Variants in TEX30 observed in about 807,000 individuals in gnomAD.
TEX30 encodes testis expressed 30, also known as testis-expressed protein 30.
In TEX30, 14 loss-of-function variants were observed where a neutral mutation model predicts 23.8. The ratio of observed to expected loss-of-function variants is 0.59; its 90% CI spans 0.39 to 0.92. TEX30 has a LOEUF of 0.92. TEX30 is among the 40% of genes least tolerant of loss of function. The pLI, the probability that TEX30 is intolerant of heterozygous loss-of-function variation, is 0.00. For synonymous variants in TEX30, 78 were observed against 90.2 expected, an observed-to-expected ratio of 0.87 and a Z score of 0.76; for missense variants, 246 against 270.6, an observed-to-expected ratio of 0.91 and a Z score of 0.64.
intron 4 of TEX30, 69 bp downstream of exon 4, chr13:102,768,191 T>G (rs1840251159): frequency 9.2e-6 from 12 of 1,304,344 alleles, no homozygotes; most frequent in Middle Eastern, 4.2e-4. Context: ...TCAACTAATT[T>G]TAATTCTCCA....
intron 4 of TEX30, 53 bp from the exon 5 acceptor site, chr13:102,767,531 T>C: frequency 1.3e-6 from 2 of 1,565,352 alleles, no homozygotes; most frequent in Non-Finnish European, 1.7e-6. Context: ...TCACATAAAG[T>C]AGCAGTGATG....
In TEX30 at chr13:102,767,280, C is replaced by T; in HGVS notation, c.497G>A (p.Cys166Tyr). ...CATTGAGTTATAATTCACCTTTTCA[C>T]ACATTTCATCTGCTGAGCCTGACAC... ...LFVSGSADEM[C>Y]EKNLLEKVAQ... Residue 166 changes from cysteine (C) to tyrosine (Y), a missense_variant, in exon 5 of 6, where the codon TGT becomes TAT. By Grantham distance (194) the Cys-to-Tyr change is radical (BLOSUM62 -2). Coordinates refer to ENST00000376032, the MANE Select transcript of TEX30 (RefSeq NM_138779.5). 6.2e-7 allele frequency: 1 copy of T among 1,613,064 alleles called. No homozygotes were observed. The highest frequency in any genetic ancestry group is 8.5e-7 in the Non-Finnish European group (1 of 1,179,648).
Position 102,768,304 on chromosome 13 carries a change from A to G in TEX30, c.254T>C (p.Leu85Pro). 1 of 1,592,802 alleles carries G rather than the reference A, an allele frequency of 6.3e-7. No individual in the cohort carries two copies. The highest frequency in any genetic ancestry group is 8.5e-7 in the Non-Finnish European group (1 of 1,174,102). The change falls in exon 4 of 6, where the codon CTG (leucine) becomes CCG (proline). Residue 85 changes from leucine (L) to proline (P), a missense_variant. Coordinates refer to ENST00000376032, the MANE Select transcript of TEX30 (RefSeq NM_138779.5). ...AAGTTTGTATTCTCCTGATGTCTTC[A>G]GGTAATTCTAGAAAAATAAAAAAAT... is the stretch of plus-strand genomic sequence containing the variant. ...IKAYKSVLNY[L>P]KTSGEYKLAG...
At chr13:102,771,761 G>A (rs1877336030) in intron 1 of TEX30, among the ~76,000 whole-genome samples, 1 of 152,178 alleles carries the variant, frequency 6.6e-6, no homozygotes, top group Non-Finnish European at 1.5e-5. Flanking sequence ...CTTCTAACAA[G>A]GGGAAAGGCA....
chr13:102,773,144 G>C (rs955052104), intron 1 of TEX30, among the ~76,000 whole-genome samples: 2 of 152,228 alleles, frequency 1.3e-5, no homozygotes, highest in Admixed American at 1.3e-4. Context: ...ACAAACGTTC[G>C]TGCCCTGTTA....
chr13:102,767,130 A>G, intron 5 of TEX30, 143 bp downstream of exon 5: 1 of 784,588 alleles, frequency 1.3e-6, no homozygotes, highest in Non-Finnish European at 2.0e-6. Flanking sequence ...GGTTCTCAAA[A>G]GCAACAGAGT....
chr13:102,768,435 TAAG>T, intron 3 of TEX30, 124 bp from the exon 4 acceptor site: 1 of 649,378 alleles, frequency 1.5e-6, no homozygotes, highest in Non-Finnish European at 2.5e-6. Flanking sequence ...CAGAAAATCT[TAAG>T]GGATTTTTCT....
At position 102,766,436 on chromosome 13, in the gene TEX30, G is replaced by C; in HGVS notation, c.649C>G (p.Gln217Glu). 6.2e-7 allele frequency: 1 copy of C among 1,613,370 alleles called. No individual in the cohort carries two copies. The highest frequency in any genetic ancestry group is 8.5e-7 in the Non-Finnish European group (1 of 1,179,684). Residue 217 changes from glutamine (Q) to glutamate (E), a missense_variant, in exon 6 of 6, where the codon CAA (glutamine) becomes GAA (glutamate). Physicochemically the swap from Gln to Glu is conservative, Grantham distance 29 (BLOSUM62 2). Transcript: ENST00000376032. ...EINTQILFWIQEITEMDKKCH is the reference protein window; with the variant it reads ...EINTQILFWIEEITEMDKKCH Reference sequence around the variant, plus strand: ...TTCTTGTCCATTTCAGTAATTTCTTGGATCCAAAACAAAATCTGTGTATTT... The same window carrying C: ...TTCTTGTCCATTTCAGTAATTTCTTCGATCCAAAACAAAATCTGTGTATTT...
At chr13:102,767,093 A>G (rs1391064844) in intron 5 of TEX30, among the ~76,000 whole-genome samples, 180 bp downstream of exon 5, 2 of 152,236 alleles carry the variant, frequency 1.3e-5, no homozygotes, top group Non-Finnish European at 2.9e-5. Flanking sequence ...CAGGGATACA[A>G]ATTTTGTCAC....
intron 1 of TEX30, among the ~76,000 whole-genome samples, chr13:102,772,114 A>T (rs909561342): frequency 2.0e-5 from 3 of 151,792 alleles, no homozygotes; most frequent in Non-Finnish European, 4.4e-5. Context: ...CATGTAAACA[A>T]CCACTATCTT....
intron 1 of TEX30, among the ~76,000 whole-genome samples, chr13:102,773,035 C>G (rs1877438578): frequency 6.6e-6 from 1 of 152,248 alleles, no homozygotes; most frequent in African/African-American, 2.4e-5. Flanking sequence ...ACCGGCTAGG[C>G]GGTCGGCGGA....
intron 3 of TEX30, among the ~76,000 whole-genome samples, 180 bp downstream of exon 3, chr13:102,769,130 GA>G (rs1017954146): frequency 5.7e-4 from 87 of 152,298 alleles, no homozygotes; most frequent in African/African-American, 2.0e-3. Flanking sequence ...CATCTCCATG[GA>G]AACTGATGAC....
rs1482562419 is a variant in TEX30, at chr13:102,766,275, G to A, written c.*126C>T. 2 of 744,974 alleles carry A rather than the reference G, an allele frequency of 2.7e-6. No homozygotes were observed. Among genetic ancestry groups the A allele is most frequent in the East Asian group, 2.9e-5 (1 of 34,828 alleles). The allele number at this position is 744,974 out of a possible 1,614,324, so 46.1% of individuals were successfully genotyped here. Reference sequence around the variant, plus strand: ...AGGACATTAATTTCACATTTAAAACGTGTTTCAAAAATAAGGGAACATTAA... The same window carrying A: ...AGGACATTAATTTCACATTTAAAACATGTTTCAAAAATAAGGGAACATTAA... On this transcript the variant is annotated 3_prime_UTR_variant, in exon 6 of 6. Transcript: ENST00000376032.
rs1595299220 is a variant in TEX30 at position 102,773,669 on chromosome 13, C to A, written c.-61+13G>T. ...CGTCAGCCGGCGGCGCCAACCGCCA[C>A]CGCCGCACTTACCCGGGAAGGCAAA... On this transcript the variant is annotated intron_variant, in intron 1 of 5. Transcript: ENST00000376032. 6.6e-6 allele frequency: 1 copy of A among 152,242 alleles called. No individual in the cohort carries two copies. Among genetic ancestry groups the A allele is most frequent in the African/African-American group, 2.4e-5 (1 of 41,456 alleles). The allele number at this position is 152,242 out of a possible 1,614,324, so 9.4% of individuals were successfully genotyped here. A position where few individuals can be genotyped will look rare whatever the true frequency, so the allele number is the denominator to read the frequency against.
intron 2 of TEX30, 147 bp downstream of exon 2, chr13:102,769,865 G>C: frequency 3.1e-6 from 2 of 650,218 alleles, no homozygotes; most frequent in Non-Finnish European, 4.7e-6. Context: ...ACTCAGGGTA[G>C]TCTGCTCTAG....
intron 1 of TEX30, chr13:102,770,750 G>T (rs1877260192): frequency 6.6e-6 from 1 of 152,240 alleles, no homozygotes; most frequent in African/African-American, 2.4e-5. Context: ...AAGACACACG[G>T]AACAGAACTG....
chr13:102,772,414 T>A (rs985058939), intron 1 of TEX30, among the ~76,000 whole-genome samples: 1 of 151,928 alleles, frequency 6.6e-6, no homozygotes, highest in Non-Finnish European at 1.5e-5. Flanking sequence ...TCCCAAACCG[T>A]TGGGATCCCA....
chr13:102,772,303 C>T (rs1595297709), intron 1 of TEX30, among the ~76,000 whole-genome samples: 1 of 152,074 alleles, frequency 6.6e-6, no homozygotes, highest in Non-Finnish European at 1.5e-5. Context: ...CCACCACGCC[C>T]GCTTATTATT....
At chr13:102,768,689 T>C (rs1877084863) in intron 3 of TEX30, among the ~76,000 whole-genome samples, 1 of 152,234 alleles carries the variant, frequency 6.6e-6, no homozygotes, top group African/African-American at 2.4e-5. Flanking sequence ...CTTGAAATTA[T>C]TTAGATCAGG....
Sources: gnomAD v4.1 joint callset for allele counts (sites outside exome capture counted in the v4.1 genomes callset) on GRCh38, gnomAD v4.1.1 for gene constraint, MANE v1.5 for transcripts, NCBI Gene and HGNC (gene_info 2026-07-23, HGNC 2026-07-21) for gene names.